SNX29: variants seen among roughly 807,000 people sequenced by gnomAD.
The protein encoded by SNX29 is sorting nexin-29.
A neutral mutation model predicts 102.1 loss-of-function variants in SNX29; 78 were observed. The observed-to-expected ratio is 0.76, with a 90% confidence interval of 0.64 to 0.92. The LOEUF is 0.92. Among genes scored for constraint, SNX29 ranks in the 40% least tolerant of loss-of-function variants. The pLI is 0.00. For synonymous variants in SNX29, 580 were observed against 414.5 expected (o/e 1.40, Z -4.85); for missense variants, 1,280 against 1,061.7 (o/e 1.21, Z -2.86).
intron 20 of SNX29, among the ~76,000 whole-genome samples, chr16:12,558,311 C>T (rs758557917): frequency 6.6e-6 from 1 of 151,974 alleles, no homozygotes; most frequent in African/African-American, 2.4e-5. Flanking sequence ...CCCCTGGTCA[C>T]CTCAAGTGGC....
intron 13 of SNX29, among the ~76,000 whole-genome samples, chr16:12,138,732 G>T (rs908151851): frequency 4.6e-5 from 7 of 152,098 alleles, no homozygotes; most frequent in African/African-American, 1.7e-4. Context: ...AGGAGGGGAG[G>T]AAGAGAGGGG....
chr16:12,423,434 C>T (rs2084943754), intron 18 of SNX29, among the ~76,000 whole-genome samples: 1 of 152,146 alleles, frequency 6.6e-6, no homozygotes, highest in African/African-American at 2.4e-5. Flanking sequence ...TCAGAGCCTC[C>T]CCTCCAGCTC....
intron 18 of SNX29, among the ~76,000 whole-genome samples, chr16:12,421,854 T>A (rs973005038): frequency 1.3e-5 from 2 of 150,916 alleles, no homozygotes; most frequent in African/African-American, 4.9e-5. Context: ...TCACCAGCCA[T>A]CCATCACCAT....
chr16:12,560,547 A>T (rs796992767), intron 20 of SNX29, among the ~76,000 whole-genome samples: 84 of 152,282 alleles, frequency 5.5e-4, no homozygotes, highest in South Asian at 2.5e-3. Flanking sequence ...TTTCTGGTTG[A>T]AACGTTGCTC....
At chr16:12,462,152 C>T (rs1043483517) in intron 18 of SNX29, among the ~76,000 whole-genome samples, 1 of 151,268 alleles carries the variant, frequency 6.6e-6, no homozygotes, top group African/African-American at 2.4e-5. Flanking sequence ...GGCTCGATCT[C>T]TTGCCATAGG....
intron 20 of SNX29, among the ~76,000 whole-genome samples, chr16:12,562,601 C>A (rs143135486): frequency 1.3e-5 from 2 of 152,148 alleles, no homozygotes; most frequent in Non-Finnish European, 2.9e-5. Flanking sequence ...GGACAAAGGT[C>A]GCTGGCTCTT....
chr16:12,230,732 T>C (rs1195013423), intron 14 of SNX29, among the ~76,000 whole-genome samples: 1 of 152,220 alleles, frequency 6.6e-6, no homozygotes, highest in African/African-American at 2.4e-5. Context: ...GTTAATACTG[T>C]GCCATCACCT....
chr16:12,412,941 GCTCT>G (rs568924631), intron 18 of SNX29, among the ~76,000 whole-genome samples: 52 of 152,310 alleles, frequency 3.4e-4, no homozygotes, highest in Non-Finnish European at 6.6e-4. Context: ...GGGCTACCTG[GCTCT>G]CTCTCCCTTT....
chr16:12,553,844 C>G (rs1004666613), intron 20 of SNX29, among the ~76,000 whole-genome samples: 1 of 147,470 alleles, frequency 6.8e-6, no homozygotes, highest in African/African-American at 2.7e-5. Context: ...CCTAGGTCTA[C>G]CGAAAGTGCT....
At chr16:12,561,516 G>C (rs1286417779) in intron 20 of SNX29, among the ~76,000 whole-genome samples, 2 of 152,144 alleles carry the variant, frequency 1.3e-5, no homozygotes, top group Non-Finnish European at 2.9e-5. Context: ...GTGAAACAAA[G>C]TGAAAAGTTA....
intron 20 of SNX29, among the ~76,000 whole-genome samples, chr16:12,554,581 G>C (rs545659159): frequency 1.3e-5 from 2 of 152,154 alleles, no homozygotes; most frequent in Non-Finnish European, 2.9e-5. Flanking sequence ...CTGACACCAA[G>C]ACTTGGAGCT....
chr16:12,174,148 T>G (rs1285575311), intron 13 of SNX29, among the ~76,000 whole-genome samples: 1 of 152,228 alleles, frequency 6.6e-6, no homozygotes, highest in African/African-American at 2.4e-5. Context: ...TATTGGGAAC[T>G]GCATGTTCCT....
rs570117239 is a variant in SNX29 at position 12,569,460 on chromosome 16, G to C, written c.*831G>C. On this transcript the variant is annotated 3_prime_UTR_variant, in exon 21 of 21. Coordinates refer to ENST00000566228, the MANE Select transcript of SNX29 (RefSeq NM_032167.5). ...AGTAGCATTGGCCCTACAGTCATGA[G>C]AGACTTGGGTCAGGGAACCACTGCA... 1 of 231,306 alleles carries C rather than the reference G, an allele frequency of 4.3e-6. No homozygotes were observed. Among genetic ancestry groups the C allele is most frequent in the South Asian group, 1.8e-4 (1 of 5,514 alleles). 14.3% of individuals were successfully genotyped at this position (231,306 alleles called of 1,614,324 possible).
intron 14 of SNX29, among the ~76,000 whole-genome samples, chr16:12,237,351 C>T (rs1025643842): frequency 3.3e-5 from 5 of 152,208 alleles, no homozygotes; most frequent in African/African-American, 9.7e-5. Context: ...TGGGCAGTTT[C>T]CCCTGCTTTA....
intron 14 of SNX29, among the ~76,000 whole-genome samples, chr16:12,214,692 A>G (rs1441138395): frequency 6.6e-6 from 1 of 151,998 alleles, no homozygotes; most frequent in Admixed American, 6.6e-5. Flanking sequence ...GCATTTCCGT[A>G]GAAATAGACT....
intron 14 of SNX29, among the ~76,000 whole-genome samples, chr16:12,268,598 C>G (rs1017674153): frequency 2.0e-5 from 3 of 152,184 alleles, no homozygotes; most frequent in African/African-American, 7.2e-5. Context: ...TCCTTCGGAA[C>G]TGTAAAGTGT....
chr16:12,037,676 G>A (rs551242111), intron 4 of SNX29, among the ~76,000 whole-genome samples: 23 of 152,132 alleles, frequency 1.5e-4, no homozygotes, highest in South Asian at 2.1e-4. Context: ...AAGGGACCAG[G>A]CTCAGTGGTT....
At chr16:12,555,490 T>TG (rs201590501) in intron 20 of SNX29, among the ~76,000 whole-genome samples, 5 of 151,642 alleles carry the variant, frequency 3.3e-5, no homozygotes, top group African/African-American at 1.2e-4. Flanking sequence ...TCTTTCGTTG[T>TG]GGGGAGTCAC....
intron 11 of SNX29, among the ~76,000 whole-genome samples, chr16:12,091,774 T>TAAAAA (rs1259908427): frequency 1.8e-5 from 1 of 56,680 alleles, no homozygotes. Context: ...AAGATCCTTC[T>TAAAAA]CAAAAAAAAA....
Sources: gnomAD v4.1 joint callset for allele counts (sites outside exome capture counted in the v4.1 genomes callset) on GRCh38, gnomAD v4.1.1 for gene constraint, MANE v1.5 for transcripts, NCBI Gene and HGNC (gene_info 2026-07-23, HGNC 2026-07-21) for gene names.